The following ARHGAP23 variants were observed in gnomAD, a reference collection of about 807,000 sequenced individuals.
ARHGAP23 encodes Rho GTPase activating protein 23, also known as rho GTPase-activating protein 23.
Under a neutral mutation model 136.3 loss-of-function variants are expected in ARHGAP23, and 34 were observed. The ratio of observed to expected loss-of-function variants is 0.25; its 90% confidence interval spans 0.19 to 0.33. The LOEUF (loss-of-function observed/expected upper bound fraction) is 0.33. ARHGAP23 is among the 10% of genes least tolerant of loss of function. The probability of loss-of-function intolerance (pLI) is 1.00; values close to 1 mark genes in which losing one functional copy is unlikely to be tolerated. For missense variants in ARHGAP23, 1,808 were observed against 2,139.0 expected (o/e 0.85, Z 3.05); for synonymous variants, 832 against 920.5 (o/e 0.90, Z 1.74).
chr17:38,491,131 T>C (rs536327869), intron 19 of ARHGAP23, among the ~76,000 whole-genome samples: 2 of 152,328 alleles, frequency 1.3e-5, no homozygotes, highest in East Asian at 3.9e-4. Context: ...TGTTTCCTAC[T>C]GCAGGGTCTC....
chr17:38,446,061 C>G (rs9972945), intron 1 of ARHGAP23, among the ~76,000 whole-genome samples: 26,093 of 149,450 alleles, frequency 0.17, 3,349 homozygotes, highest in African/African-American at 0.37. Flanking sequence ...CTCCCCTAGG[C>G]TGAGGTGTAG....
chr17:38,495,593 C>T (rs2040374849), intron 20 of ARHGAP23, among the ~76,000 whole-genome samples: 1 of 152,074 alleles, frequency 6.6e-6, no homozygotes, highest in South Asian at 2.1e-4. Flanking sequence ...TCTTCTTTCC[C>T]TTCTGGCCTT....
At chr17:38,459,631 G>C (rs969899805) in intron 2 of ARHGAP23, among the ~76,000 whole-genome samples, 3 of 152,218 alleles carry the variant, frequency 2.0e-5, no homozygotes, top group African/African-American at 7.2e-5. Context: ...AGAGTCTAGG[G>C]CTGGAAGACC....
chr17:38,477,638 G>C lies in ARHGAP23; in HGVS notation c.2178G>C (p.Ser726=). The C allele has an allele frequency of 2.4e-6, 3 of 1,271,064 alleles. No individual in the cohort carries two copies. The highest frequency in any genetic ancestry group is 3.0e-6 in the Non-Finnish European group (3 of 1,002,514). 78.7% of individuals were successfully genotyped at this position (1,271,064 alleles called of 1,614,324 possible). ...KRVYAALRAR[S]LSLSKERREP... ...TGTACGCCGCGCTGCGGGCGCGCTCGCTCTCGCTGAGCAAGGAGCGGCGGG... is the reference window on the plus strand; with the variant it reads ...TGTACGCCGCGCTGCGGGCGCGCTCCCTCTCGCTGAGCAAGGAGCGGCGGG... The change falls in exon 12 of 24, where the codon TCG becomes TCC. Residue 726 remains serine, a synonymous_variant. Transcript: ENST00000622683. The surrounding 1 kb of genome is among the most constrained non-coding windows in gnomAD (Gnocchi z 6.6).
Position 38,510,032 on chromosome 17 carries a change from G to T in ARHGAP23, c.3536G>T (p.Arg1179Leu). ...ISAVNRKRKK[R>L]REARGLGSST... ...GCCGTCAACCGCAAGCGCAAGAAGC[G>T]GCGGGAGGCGCGGGGGCTGGGCAGC... Residue 1179 changes from arginine to leucine, a missense_variant, in exon 24 of 24, where the codon CGG (arginine) becomes CTG (leucine). Physicochemically the swap from Arg to Leu is moderately radical, Grantham distance 102. Coordinates refer to ENST00000622683, the MANE Select transcript of ARHGAP23 (RefSeq NM_001199417.2). The surrounding 1 kb of genome is among the most constrained non-coding windows in gnomAD (Gnocchi z 4.6). 1 of 1,245,136 alleles carries T rather than the reference G, an allele frequency of 8.0e-7. No homozygotes were observed. Among genetic ancestry groups the T allele is most frequent in the Non-Finnish European group, 1.0e-6 (1 of 994,742 alleles). The allele number at this position is 1,245,136 out of a possible 1,614,324, so 77.1% of individuals were successfully genotyped here.
At chr17:38,450,746 A>C (rs1483872279) in intron 1 of ARHGAP23, 2 of 152,210 alleles carry the variant, frequency 1.3e-5, no homozygotes, top group East Asian at 3.8e-4. Flanking sequence ...TATCAAAAAA[A>C]TCTCTGGTTA....
chr17:38,420,786 G>C (rs35656980), intron 1 of ARHGAP23, among the ~76,000 whole-genome samples: 73,007 of 151,590 alleles, frequency 0.48, 20,305 homozygotes, highest in African/African-American at 0.77. Flanking sequence ...CCCCAGAGCA[G>C]CAGGCCTGGC....
At chr17:38,472,692 G>T (rs2039791181) in intron 11 of ARHGAP23, among the ~76,000 whole-genome samples, 4 of 152,180 alleles carry the variant, frequency 2.6e-5, no homozygotes, top group Admixed American at 2.6e-4. Flanking sequence ...GGAGAAGTGG[G>T]AGGAGAGACC....
At chr17:38,431,345 C>T (rs1393323451) in intron 1 of ARHGAP23, among the ~76,000 whole-genome samples, 1 of 152,206 alleles carries the variant, frequency 6.6e-6, no homozygotes, top group Non-Finnish European at 1.5e-5. Flanking sequence ...GGGCATGAAG[C>T]CCTGCTCTGT....
chr17:38,429,525 G>C (rs1380187260), intron 1 of ARHGAP23, among the ~76,000 whole-genome samples: 2 of 152,220 alleles, frequency 1.3e-5, no homozygotes, highest in Admixed American at 1.3e-4. Context: ...AAGACTTGGG[G>C]ACCCTCCTCC....
Position 38,458,278 on chromosome 17 carries a change from C to A in ARHGAP23, c.225+15C>A, listed in dbSNP as rs1326600724. 6 of 1,500,606 alleles carry A rather than the reference C, an allele frequency of 4.0e-6. No individual in the cohort carries two copies. Among genetic ancestry groups the A allele is most frequent in the Non-Finnish European group, 4.4e-6 (5 of 1,126,764 alleles). The allele number at this position is 1,500,606 out of a possible 1,614,324, so 93.0% of individuals were successfully genotyped here. On this transcript the variant is annotated intron_variant, in intron 2 of 23. Coordinates refer to ENST00000622683, the MANE Select transcript of ARHGAP23 (RefSeq NM_001199417.2). Reference sequence around the variant, plus strand: ...GCAGCCTGAAGGTATGCCCGGCTCGCCGCTGCCCTGGTCTGGGGAAGCTTT... The same window carrying A: ...GCAGCCTGAAGGTATGCCCGGCTCGACGCTGCCCTGGTCTGGGGAAGCTTT...
chr17:38,430,855 T>C (rs892110240), intron 1 of ARHGAP23, among the ~76,000 whole-genome samples: 1 of 152,144 alleles, frequency 6.6e-6, no homozygotes, highest in Admixed American at 6.5e-5. Flanking sequence ...AATGTGTTTT[T>C]AAGAAAGGGG....
chr17:38,472,687 A>G (rs1428849839), intron 11 of ARHGAP23, among the ~76,000 whole-genome samples: 1 of 152,158 alleles, frequency 6.6e-6, no homozygotes, highest in Non-Finnish European at 1.5e-5. Context: ...GGGCTGGAGA[A>G]GTGGGAGGAG....
chr17:38,460,204 C>T (rs1001321420), intron 2 of ARHGAP23, among the ~76,000 whole-genome samples: 4 of 152,192 alleles, frequency 2.6e-5, no homozygotes, highest in African/African-American at 7.2e-5. Flanking sequence ...AGTGGGTCCC[C>T]TTGACACCCT....
At chr17:38,449,324 G>A (rs1415439164) in intron 1 of ARHGAP23, among the ~76,000 whole-genome samples, 6 of 152,224 alleles carry the variant, frequency 3.9e-5, no homozygotes, top group Non-Finnish European at 8.8e-5. Context: ...GGGAGACCCT[G>A]GGAACCATCC....
intron 1 of ARHGAP23, among the ~76,000 whole-genome samples, chr17:38,449,867 T>C (rs929228012): frequency 3.9e-5 from 6 of 152,160 alleles, no homozygotes; most frequent in Admixed American, 1.3e-4. Context: ...GCAGGCAGAA[T>C]CGACCCTGAG....
At chr17:38,452,343 G>T (rs2039195800) in intron 1 of ARHGAP23, 1 of 151,624 alleles carries the variant, frequency 6.6e-6, no homozygotes, top group Non-Finnish European at 1.5e-5. Flanking sequence ...CCCTCCCGCA[G>T]GTTCTTGCTG....
At chr17:38,434,160 G>T (rs1164153077) in intron 1 of ARHGAP23, among the ~76,000 whole-genome samples, 3 of 152,100 alleles carry the variant, frequency 2.0e-5, no homozygotes, top group African/African-American at 7.2e-5. Context: ...CAAGGGGTTT[G>T]GGTGTATGGT....
At chr17:38,488,813 T>G (rs2040210610) in intron 17 of ARHGAP23, among the ~76,000 whole-genome samples, 1 of 151,452 alleles carries the variant, frequency 6.6e-6, no homozygotes. Flanking sequence ...CCTCCCAAAG[T>G]GCTGGGATTA....
Sources: gnomAD v4.1 joint callset for allele counts (sites outside exome capture counted in the v4.1 genomes callset) on GRCh38, gnomAD v4.1.1 for gene constraint, Gnocchi (gnomAD v3.1) non-coding constraint, MANE v1.5 for transcripts, NCBI Gene and HGNC (gene_info 2026-07-23, HGNC 2026-07-21) for gene names.